The following MEIKIN variants were observed in gnomAD, a reference collection of about 807,000 sequenced individuals.
MEIKIN encodes meiotic kinetochore factor.
chr5:131,835,662 T>G (rs1316160671), intron 11 of MEIKIN, among the ~76,000 whole-genome samples: 2 of 152,166 alleles, frequency 1.3e-5, no homozygotes, highest in Non-Finnish European at 2.9e-5. Context: ...GGTGCAATCT[T>G]GGCTCACTGC....
intron 9 of MEIKIN, among the ~76,000 whole-genome samples, chr5:131,862,319 A>T (rs76681481): frequency 0.02 from 3,059 of 151,900 alleles, 101 homozygotes; most frequent in African/African-American, 0.071. Context: ...GATTTTGTTT[A>T]TTTGGGTCTC....
At chr5:131,813,132 T>C (rs1410438264) in intron 12 of MEIKIN, among the ~76,000 whole-genome samples, 8 of 152,226 alleles carry the variant, frequency 5.3e-5, no homozygotes, top group Admixed American at 4.6e-4. Flanking sequence ...CAAATGTCCA[T>C]GGCCCCCACC....
intron 12 of MEIKIN, among the ~76,000 whole-genome samples, chr5:131,816,964 G>A (rs1326626448): frequency 1.3e-5 from 2 of 152,112 alleles, no homozygotes; most frequent in Admixed American, 6.6e-5. Context: ...CTGTGAGGAT[G>A]TTTCCAGAAG....
chr5:131,893,034 T>C (rs1019898933), intron 8 of MEIKIN, among the ~76,000 whole-genome samples: 4 of 152,222 alleles, frequency 2.6e-5, no homozygotes, highest in African/African-American at 9.6e-5. Context: ...ACAGCAGATA[T>C]TGGTGAACCA....
chr5:131,820,151 A>C (rs1314977187), intron 11 of MEIKIN, among the ~76,000 whole-genome samples: 2 of 145,996 alleles, frequency 1.4e-5, no homozygotes, highest in Non-Finnish European at 3.0e-5. Flanking sequence ...AGCTCACTGC[A>C]ACCTCTGCCT....
At chr5:131,880,135 G>C (rs971279756) in intron 8 of MEIKIN, among the ~76,000 whole-genome samples, 2 of 151,966 alleles carry the variant, frequency 1.3e-5, no homozygotes, top group East Asian at 1.9e-4. Flanking sequence ...TGTTGCCCAG[G>C]CTGGAGTGCA....
rs1384477334 is a variant in MEIKIN at position 131,933,644 on chromosome 5, G to A, written c.350-3C>T. ...CATACCATGGTGCAAACTTAATCCT[G>A]TAGAATAAAGGAAAAAAAAATTGAT... On this transcript the variant is annotated splice_region_variant and splice_polypyrimidine_tract_variant and intron_variant, in intron 4 of 12. Transcript: ENST00000442687. 2 of 398,264 alleles carry A rather than the reference G, an allele frequency of 5.0e-6. No individual in the cohort carries two copies. Among genetic ancestry groups the A allele is most frequent in the Non-Finnish European group, 8.9e-6 (2 of 225,720 alleles). The allele number at this position is 398,264 out of a possible 1,614,324, so 24.7% of individuals were successfully genotyped here.
At chr5:131,824,069 A>G (rs1580859933) in intron 11 of MEIKIN, among the ~76,000 whole-genome samples, 1 of 152,182 alleles carries the variant, frequency 6.6e-6, no homozygotes, top group Non-Finnish European at 1.5e-5. Flanking sequence ...TGGTGATCCA[A>G]GCACCCCTGT....
intron 6 of MEIKIN, among the ~76,000 whole-genome samples, chr5:131,917,637 T>C (rs777892452): frequency 1.6e-4 from 24 of 151,034 alleles, no homozygotes; most frequent in Non-Finnish European, 2.9e-4. Context: ...TAGAAATGCA[T>C]ACTAATAGAT....
chr5:131,901,961 G>T (rs1318772431), intron 8 of MEIKIN, among the ~76,000 whole-genome samples: 7 of 152,136 alleles, frequency 4.6e-5, no homozygotes, highest in Non-Finnish European at 8.8e-5. Context: ...AGATCATGGG[G>T]GTAGTTTCTC....
chr5:131,912,448 T>C (rs1012642152), intron 7 of MEIKIN, among the ~76,000 whole-genome samples: 2 of 151,992 alleles, frequency 1.3e-5, no homozygotes, highest in African/African-American at 4.8e-5. Context: ...TCTATCTAAA[T>C]GTGTAGGAAA....
At chr5:131,894,836 C>T (rs1005096412) in intron 8 of MEIKIN, among the ~76,000 whole-genome samples, 2 of 152,188 alleles carry the variant, frequency 1.3e-5, no homozygotes, top group East Asian at 1.9e-4. Flanking sequence ...ACAATCATGT[C>T]ATCTGCAAAC....
At chr5:131,901,366 G>A (rs573241554) in intron 8 of MEIKIN, among the ~76,000 whole-genome samples, 3 of 152,108 alleles carry the variant, frequency 2.0e-5, no homozygotes, top group Non-Finnish European at 2.9e-5. Flanking sequence ...TCCTAACATC[G>A]CCACCAGTGT....
intron 3 of MEIKIN, among the ~76,000 whole-genome samples, chr5:131,943,087 G>A (rs1038930189): frequency 5.9e-5 from 9 of 151,668 alleles, no homozygotes; most frequent in African/African-American, 2.2e-4. Context: ...TAAAATTAAA[G>A]GCAAGTAAAC....
At chr5:131,874,821 G>A (rs922815571) in intron 9 of MEIKIN, among the ~76,000 whole-genome samples, 4 of 152,190 alleles carry the variant, frequency 2.6e-5, no homozygotes, top group Admixed American at 6.5e-5. Flanking sequence ...TCATCCCTGG[G>A]ATGCAAGGCT....
intron 9 of MEIKIN, among the ~76,000 whole-genome samples, chr5:131,860,623 A>T (rs141096838): frequency 8.5e-4 from 118 of 138,984 alleles, no homozygotes; most frequent in South Asian, 6.6e-3. Flanking sequence ...TTTTTTTTTT[A>T]TTTTTAGTAG....
At chr5:131,874,763 T>C (rs957749217) in intron 9 of MEIKIN, among the ~76,000 whole-genome samples, 1 of 152,158 alleles carries the variant, frequency 6.6e-6, no homozygotes, top group Non-Finnish European at 1.5e-5. Context: ...ACTGGCAAAC[T>C]GAATCCAGCA....
intron 4 of MEIKIN, 125 bp downstream of exon 4, chr5:131,942,510 T>C: frequency 7.7e-6 from 3 of 388,144 alleles, no homozygotes. Flanking sequence ...GTCAGAAGGA[T>C]TCACTTTGGA....
intron 11 of MEIKIN, among the ~76,000 whole-genome samples, chr5:131,839,895 T>A (rs1749874054): frequency 6.6e-6 from 1 of 152,226 alleles, no homozygotes; most frequent in African/African-American, 2.4e-5. Context: ...GTCATCATGA[T>A]GTTATCTGGT....
Sources: allele counts gnomAD v4.1 joint callset (sites outside exome capture counted in the v4.1 genomes callset), GRCh38; gene constraint gnomAD v4.1.1; transcripts MANE v1.5; gene names NCBI Gene and HGNC (gene_info 2026-07-23, HGNC 2026-07-21).